EEPD1: variants seen among roughly 807,000 people sequenced by gnomAD.
EEPD1 encodes endonuclease/exonuclease/phosphatase family domain containing 1.
A neutral mutation model predicts 46.3 loss-of-function variants in EEPD1; 17 were observed. The ratio of observed to expected loss-of-function variants is 0.37; its 90% confidence interval spans 0.25 to 0.55. The LOEUF is 0.55. Among genes scored for constraint, EEPD1 ranks in the 20% least tolerant of loss-of-function variants. The pLI is 0.83. For missense variants in EEPD1, 673 were observed against 745.6 expected, an observed-to-expected ratio of 0.90 and a Z score of 1.13; for synonymous variants, 313 against 315.6, an observed-to-expected ratio of 0.99 and a Z score of 0.09.
chr7:36,285,187 T>C (rs1787324652), intron 5 of EEPD1, among the ~76,000 whole-genome samples: 1 of 152,180 alleles, frequency 6.6e-6, no homozygotes, highest in Non-Finnish European at 1.5e-5. Context: ...ATTATCCGGA[T>C]GGCCTACTTT....
At chr7:36,258,152 G>A (rs575202726) in intron 3 of EEPD1, among the ~76,000 whole-genome samples, 302 of 152,308 alleles carry the variant, frequency 2.0e-3, no homozygotes, top group Non-Finnish European at 3.3e-3. Flanking sequence ...TATCACGAGT[G>A]GAGGCTGCAG....
At chr7:36,217,152 T>C (rs904852351) in intron 2 of EEPD1, among the ~76,000 whole-genome samples, 1 of 152,270 alleles carries the variant, frequency 6.6e-6, no homozygotes, top group African/African-American at 2.4e-5. Context: ...GGCTACTCCA[T>C]AGGCAGAGCA....
chr7:36,279,427 C>T (rs1428888438), intron 3 of EEPD1, among the ~76,000 whole-genome samples: 1 of 152,238 alleles, frequency 6.6e-6, no homozygotes, highest in African/African-American at 2.4e-5. Context: ...GCTTGTCCCT[C>T]TAGAAATGAC....
At chr7:36,230,891 T>C (rs1458775992) in intron 2 of EEPD1, 4 of 152,222 alleles carry the variant, frequency 2.6e-5, no homozygotes, top group Non-Finnish European at 5.9e-5. Flanking sequence ...TCATTGTCTG[T>C]TACATATTGC....
chr7:36,289,716 A>G (rs534686488), intron 6 of EEPD1, among the ~76,000 whole-genome samples: 15 of 152,132 alleles, frequency 9.9e-5, no homozygotes, highest in East Asian at 7.8e-4. Context: ...GGATGGTCTC[A>G]ATCTCCTGAC....
chr7:36,183,098 GC>G (rs1416906128), intron 2 of EEPD1, among the ~76,000 whole-genome samples: 1 of 152,194 alleles, frequency 6.6e-6, no homozygotes, highest in African/African-American at 2.4e-5. Flanking sequence ...TCATCCCTAA[GC>G]CCGGCTCCTG....
At chr7:36,232,837 C>T (rs1373342632) in intron 2 of EEPD1, among the ~76,000 whole-genome samples, 4 of 151,718 alleles carry the variant, frequency 2.6e-5, no homozygotes, top group East Asian at 1.9e-4. Flanking sequence ...AAATCAGAGT[C>T]AGTTGAAGTT....
intron 2 of EEPD1, among the ~76,000 whole-genome samples, chr7:36,206,985 G>A (rs1785831699): frequency 6.6e-6 from 1 of 152,186 alleles, no homozygotes; most frequent in South Asian, 2.1e-4. Context: ...GGAAGTGGAG[G>A]TTGCAGTGAG....
intron 2 of EEPD1, among the ~76,000 whole-genome samples, chr7:36,177,532 C>A (rs2097622853): frequency 6.6e-6 from 1 of 152,146 alleles, no homozygotes; most frequent in Non-Finnish European, 1.5e-5. Flanking sequence ...GGTTTCTGTT[C>A]CTGCGTTAAT....
chr7:36,177,533 C>A (rs1713125354), intron 2 of EEPD1, among the ~76,000 whole-genome samples: 1 of 152,130 alleles, frequency 6.6e-6, no homozygotes, highest in Non-Finnish European at 1.5e-5. Context: ...GTTTCTGTTC[C>A]TGCGTTAATT....
rs62445398 is a variant in EEPD1, at chr7:36,187,712, T to C, written c.878+32510T>C. 5.4e-3 allele frequency among the ~76,000 whole-genome samples: 817 copies of C among 152,342 alleles called. 10 individuals carry two copies. The highest frequency in any genetic ancestry group is 8.4e-3 in the Non-Finnish European group (573 of 68,036). On this transcript the variant is annotated intron_variant, in intron 2 of 7. Coordinates refer to ENST00000242108, the MANE Select transcript of EEPD1 (RefSeq NM_030636.3). Reference sequence around the variant, plus strand: ...AATAATGCTGCTGTGAACATGGGTGTGCAGACAATCTGTCTGAGTCCCCTG... The same window carrying C: ...AATAATGCTGCTGTGAACATGGGTGCGCAGACAATCTGTCTGAGTCCCCTG...
At chr7:36,263,694 CA>C (rs34948536) in intron 3 of EEPD1, among the ~76,000 whole-genome samples, 21,878 of 152,142 alleles carry the variant, frequency 0.14, 1,773 homozygotes, top group Non-Finnish European at 0.18. Flanking sequence ...CCTGGGAGAG[CA>C]TCAGGGCCTT....
chr7:36,292,532 CAG>C (rs1370537200), intron 6 of EEPD1, among the ~76,000 whole-genome samples: 1 of 150,442 alleles, frequency 6.6e-6, no homozygotes, highest in Non-Finnish European at 1.5e-5. Flanking sequence ...TCTTCTTTGA[CAG>C]AGTCTCACTC....
chr7:36,256,137 G>C (rs557980025), intron 3 of EEPD1, among the ~76,000 whole-genome samples: 2 of 152,272 alleles, frequency 1.3e-5, no homozygotes, highest in South Asian at 4.1e-4. Flanking sequence ...GTGTGGTTTT[G>C]TGTGAGTTTC....
chr7:36,223,603 A>T (rs1381668510), intron 2 of EEPD1, among the ~76,000 whole-genome samples: 4 of 152,214 alleles, frequency 2.6e-5, no homozygotes, highest in Non-Finnish European at 5.9e-5. Flanking sequence ...ATAAATAAAA[A>T]GCAGTGCATG....
intron 3 of EEPD1, among the ~76,000 whole-genome samples, chr7:36,273,129 TACACACACAC>T (rs10578694): frequency 2.0e-5 from 3 of 148,438 alleles, no homozygotes; most frequent in East Asian, 2.0e-4. Flanking sequence ...GGTGCATGCT[TACACACACAC>T]ACACACACAC....
At chr7:36,199,378 T>G (rs781163738) in intron 2 of EEPD1, among the ~76,000 whole-genome samples, 1 of 152,144 alleles carries the variant, frequency 6.6e-6, no homozygotes, top group Non-Finnish European at 1.5e-5. Flanking sequence ...CCTTTAGAAT[T>G]TTAACTTGCC....
chr7:36,298,986 C>G (rs761834729), intron 7 of EEPD1, 21 bp from the exon 8 acceptor site: 1 of 1,612,572 alleles, frequency 6.2e-7, no homozygotes, highest in East Asian at 2.2e-5. Context: ...TTCCCGGTCT[C>G]TTTCCTTCCT....
Position 36,153,546 on chromosome 7 carries a change from C to T in EEPD1, c.-321C>T, listed in dbSNP as rs1483152657. On this transcript the variant is annotated 5_prime_UTR_variant, in exon 1 of 8. Transcript: ENST00000242108. ...GAAGCGGCGTAGTCGGCTTCCAGGG[C>T]CTGACCAGTGACCCACACCCGCGCG... 1 of 152,462 alleles carries T rather than the reference C, an allele frequency of 6.6e-6. No individual in the cohort carries two copies. Among genetic ancestry groups the T allele is most frequent in the Non-Finnish European group, 1.5e-5 (1 of 68,262 alleles). 9.4% of individuals were successfully genotyped at this position (152,462 alleles called of 1,614,324 possible). A position where few individuals can be genotyped will look rare whatever the true frequency, so the allele number is the denominator to read the frequency against.
Sources: gnomAD v4.1 joint callset for allele counts (sites outside exome capture counted in the v4.1 genomes callset) on GRCh38, gnomAD v4.1.1 for gene constraint, MANE v1.5 for transcripts, NCBI Gene and HGNC (gene_info 2026-07-23, HGNC 2026-07-21) for gene names.